RTL4: variants seen among roughly 807,000 people sequenced by gnomAD.
RTL4 encodes the protein retrotransposon Gag-like protein 4.
In RTL4, 4 loss-of-function variants were observed where a neutral mutation model predicts 5.3. That is an observed-to-expected ratio of 0.75 (90% confidence interval 0.37 to 1.72). RTL4 has a LOEUF of 1.72. Among genes scored for constraint, RTL4 ranks in the 40% most tolerant of loss-of-function variants. The pLI is 0.04. For synonymous variants in RTL4, 98 were observed against 87.3 expected, an observed-to-expected ratio of 1.12 and a Z score of -0.68; for missense variants, 260 against 227.1, an observed-to-expected ratio of 1.14 and a Z score of -0.93.
At chrX:112,309,904 G>A in the RTL4 span, among the ~76,000 whole-genome samples, 1 of 103,082 alleles carries the variant, frequency 9.7e-6, no homozygotes, top group Non-Finnish European at 2.0e-5. Flanking sequence ...ACATATATGT[G>A]TGTGTGTATA....
At chrX:112,213,872 A>G in the RTL4 span, among the ~76,000 whole-genome samples, 1 of 108,065 alleles carries the variant, frequency 9.3e-6, no homozygotes, top group African/African-American at 3.4e-5. Context: ...TGTGATATTT[A>G]TTCACATAAA....
chrX:112,115,485 G>C, the RTL4 span, among the ~76,000 whole-genome samples: 2 of 111,608 alleles, frequency 1.8e-5, no homozygotes, highest in Non-Finnish European at 3.8e-5. Context: ...GGGATCTCCA[G>C]GGTTGGAAGA....
chrX:112,387,122 T>G, the RTL4 span, among the ~76,000 whole-genome samples: 101 of 111,993 alleles, frequency 9.0e-4, no homozygotes, highest in African/African-American at 3.2e-3. Flanking sequence ...GTTGAGCATT[T>G]TTTTCATACA....
chrX:112,382,386 G>C, the RTL4 span, among the ~76,000 whole-genome samples: 1 of 111,150 alleles, frequency 9.0e-6, no homozygotes, highest in South Asian at 3.7e-4. Context: ...AGTCCTACTA[G>C]ATATTTGGTA....
the RTL4 span, among the ~76,000 whole-genome samples, chrX:112,228,524 A>T: frequency 3.6e-5 from 4 of 112,133 alleles, no homozygotes; most frequent in African/African-American, 6.5e-5. Flanking sequence ...ATACATAGTT[A>T]CTCTTTTTGT....
chrX:112,206,598 G>A, the RTL4 span, among the ~76,000 whole-genome samples: 1 of 110,532 alleles, frequency 9.0e-6, no homozygotes, highest in Non-Finnish European at 1.9e-5. Context: ...TAAAGTTGGG[G>A]TTCCTCAGGG....
At chrX:112,291,735 T>C in the RTL4 span, among the ~76,000 whole-genome samples, 1 of 110,767 alleles carries the variant, frequency 9.0e-6, no homozygotes, top group Admixed American at 9.6e-5. Flanking sequence ...TAGCTGGGAC[T>C]ATAGGCGCCC....
the RTL4 span, among the ~76,000 whole-genome samples, chrX:112,183,720 G>T: frequency 9.0e-6 from 1 of 111,720 alleles, no homozygotes; most frequent in Non-Finnish European, 1.9e-5. Flanking sequence ...TGTAGATGGC[G>T]GGTTGATGGG....
chrX:112,310,383 TATA>T, the RTL4 span, among the ~76,000 whole-genome samples: 4 of 21,547 alleles, frequency 1.9e-4, no homozygotes, highest in South Asian at 0.014. Flanking sequence ...TATATATATA[TATA>T]TATATATATA....
the RTL4 span, among the ~76,000 whole-genome samples, chrX:112,130,246 C>CTT: frequency 1.6e-4 from 16 of 97,875 alleles, no homozygotes; most frequent in South Asian, 4.5e-4. Context: ...CTTTTCTTTT[C>CTT]TTTTTTTTTT....
the RTL4 span, among the ~76,000 whole-genome samples, chrX:112,327,065 G>A: frequency 5.9e-4 from 66 of 112,129 alleles, 1 homozygote; most frequent in East Asian, 5.7e-4. Flanking sequence ...AAAAAACAGA[G>A]CAGAAAAACT....
the RTL4 span, among the ~76,000 whole-genome samples, chrX:112,210,984 A>G: frequency 2.7e-5 from 3 of 112,503 alleles, no homozygotes; most frequent in African/African-American, 9.7e-5. Flanking sequence ...CTATTCGTTC[A>G]AAACAGTTGG....
the RTL4 span, among the ~76,000 whole-genome samples, chrX:112,337,673 C>T: frequency 4.5e-5 from 5 of 111,619 alleles, no homozygotes; most frequent in Admixed American, 3.8e-4. Context: ...TTTCATCTGT[C>T]CCTTCTAATA....
chrX:112,255,077 G>A, the RTL4 span, among the ~76,000 whole-genome samples: 11 of 111,801 alleles, frequency 9.8e-5, no homozygotes, highest in South Asian at 1.5e-3. Flanking sequence ...ATACCTCAAT[G>A]ACAATGAACA....
the RTL4 span, among the ~76,000 whole-genome samples, chrX:112,084,134 T>G: frequency 9.0e-6 from 1 of 111,148 alleles, no homozygotes; most frequent in Non-Finnish European, 1.9e-5. Flanking sequence ...AATGCCAGAA[T>G]CATCTCCCTT....
chrX:112,322,805 G>C, the RTL4 span, among the ~76,000 whole-genome samples: 4 of 110,967 alleles, frequency 3.6e-5, no homozygotes, highest in Non-Finnish European at 7.6e-5. Context: ...TACTTTTTTT[G>C]TATCTTGCAT....
chrX:112,236,430 TATAGATCTA>T, the RTL4 span, among the ~76,000 whole-genome samples: 1 of 79,973 alleles, frequency 1.3e-5, no homozygotes, highest in Admixed American at 1.4e-4. Flanking sequence ...TATATATAGA[TATAGATCTA>T]TATCTATATA....
the RTL4 span, among the ~76,000 whole-genome samples, chrX:112,364,532 G>C: frequency 4.5e-5 from 5 of 111,495 alleles, no homozygotes; most frequent in Non-Finnish European, 7.6e-5. Context: ...CTGAGATCTG[G>C]GAAACTAAGA....
chrX:112,205,153 G>A, the RTL4 span, among the ~76,000 whole-genome samples: 18 of 111,500 alleles, frequency 1.6e-4, no homozygotes, highest in Non-Finnish European at 3.0e-4. Flanking sequence ...TGCACTTACA[G>A]CAGTGCAATA....
Sources: allele counts gnomAD v4.1 joint callset (sites outside exome capture counted in the v4.1 genomes callset), GRCh38; gene constraint gnomAD v4.1.1; transcripts MANE v1.5; gene names NCBI Gene and HGNC (gene_info 2026-07-23, HGNC 2026-07-21).